The following SCRN1 variants were observed in gnomAD, a reference collection of about 807,000 sequenced individuals.
SCRN1 encodes the protein secernin 1.
A neutral mutation model predicts 43.3 loss-of-function variants in SCRN1; 19 were observed. That is an observed-to-expected ratio of 0.44 (90% CI 0.31 to 0.64). SCRN1 has a LOEUF of 0.64. SCRN1 is among the 30% of genes least tolerant of loss of function. The pLI is 0.09. For missense variants in SCRN1, 447 were observed against 524.1 expected, an observed-to-expected ratio of 0.85 and a Z score of 1.44; for synonymous variants, 183 against 188.9, an observed-to-expected ratio of 0.97 and a Z score of 0.26.
At chr7:29,945,948 GT>G (rs1221728095) in intron 3 of SCRN1, among the ~76,000 whole-genome samples, 3 of 152,188 alleles carry the variant, frequency 2.0e-5, no homozygotes, top group Admixed American at 1.3e-4. Flanking sequence ...AACTTGAGAA[GT>G]AAAAACTATT....
Position 29,922,811 on chromosome 7 carries a change from A to G in SCRN1, c.*1146T>C, listed in dbSNP as rs11540586. Reference sequence around the variant, plus strand: ...AGAAATGCTTCTATATCCATCTATCACCTCCTTGCCCTCTGTCTTCCCAAT... The same window carrying G: ...AGAAATGCTTCTATATCCATCTATCGCCTCCTTGCCCTCTGTCTTCCCAAT... On this transcript the variant is annotated 3_prime_UTR_variant, in exon 8 of 8. Transcript: ENST00000242059. 52,650 of 151,940 alleles carry G rather than the reference A, an allele frequency of 0.35. 9,355 individuals are homozygous for G. The highest frequency in any genetic ancestry group is 0.41 in the African/African-American group (16,896 of 41,380). 9.4% of individuals were successfully genotyped at this position (151,940 alleles called of 1,614,324 possible). A position where few individuals can be genotyped will look rare whatever the true frequency, so the allele number is the denominator to read the frequency against.
chr7:29,990,006 A>G (rs891891626), upstream of SCRN1: 42 of 1,438,058 alleles, frequency 2.9e-5, no homozygotes, highest in African/African-American at 5.9e-4. Flanking sequence ...TCGCCGCAGA[A>G]AGTGGCCCCC....
chr7:29,956,361 C>T (rs1788136603), intron 2 of SCRN1, among the ~76,000 whole-genome samples: 1 of 152,200 alleles, frequency 6.6e-6, no homozygotes, highest in South Asian at 2.1e-4. Flanking sequence ...TTCTACGAGC[C>T]TATGACACAC....
intron 5 of SCRN1, among the ~76,000 whole-genome samples, chr7:29,938,327 C>A (rs10281148): frequency 1.3e-5 from 2 of 152,238 alleles, no homozygotes; most frequent in Non-Finnish European, 2.9e-5. Context: ...CCACCGCACC[C>A]ACTCAGCTTG....
At position 29,976,684 on chromosome 7, in the gene SCRN1, T is replaced by C. The variant is rs181084724; in HGVS notation, c.-1-7616A>G. 1.8e-3 allele frequency among the ~76,000 whole-genome samples: 270 copies of C among 152,392 alleles called. 1 individual carries two copies. Among genetic ancestry groups the C allele is most frequent in the East Asian group, 0.013 (69 of 5,192 alleles). ...GCTTTAGCTACTGTGCCATTGGCTA[T>C]GATAAAGCATCCCTAAGCTTAGTTT... On this transcript the variant is annotated intron_variant, in intron 1 of 7. Transcript: ENST00000242059.
intron 1 of SCRN1, among the ~76,000 whole-genome samples, chr7:29,986,717 A>ATTTTTTTTTTTTTT (rs553845779): frequency 2.0e-5 from 2 of 99,832 alleles, no homozygotes; most frequent in East Asian, 2.8e-4. Flanking sequence ...AATTTTTTTA[A>ATTTTTTTTTTTTTT]TTTTTTTTTT....
intron 1 of SCRN1, among the ~76,000 whole-genome samples, chr7:29,977,339 T>C (rs1788864140): frequency 6.6e-6 from 1 of 152,254 alleles, no homozygotes; most frequent in Non-Finnish European, 1.5e-5. Context: ...GAAATTATTA[T>C]ACTCTTCATT....
intron 4 of SCRN1, 97 bp downstream of exon 4, chr7:29,943,880 C>T: frequency 8.8e-7 from 1 of 1,135,450 alleles, no homozygotes; most frequent in Non-Finnish European, 1.3e-6. Flanking sequence ...CCTGCAACGG[C>T]ACGTCTTTCT....
rs543561992 is a variant in SCRN1 at position 29,968,854 on chromosome 7, C to A, written c.159+55G>T. On this transcript the variant is annotated intron_variant, in intron 2 of 7. Coordinates refer to ENST00000242059, the MANE Select transcript of SCRN1 (RefSeq NM_014766.5). ...AAGCAAGAAGTTAGGGTTGTGCTAG[C>A]GGCAAAGCCAGAGAAAAGAGAGTGT... The A allele has an allele frequency of 2.0e-4, 318 of 1,602,292 alleles. 2 individuals are homozygous for A. In the East Asian group the frequency reaches 6.9e-3, roughly 35 times the overall value.
At chr7:29,966,587 T>C (rs745846861) in intron 2 of SCRN1, among the ~76,000 whole-genome samples, 7 of 152,196 alleles carry the variant, frequency 4.6e-5, no homozygotes, top group Non-Finnish European at 8.8e-5. Context: ...TGGACCCAAA[T>C]AACATGGACA....
intron 7 of SCRN1, among the ~76,000 whole-genome samples, chr7:29,925,376 C>G (rs1239248658): frequency 1.3e-5 from 2 of 152,164 alleles, no homozygotes; most frequent in East Asian, 3.9e-4. Flanking sequence ...TCCACCATGT[C>G]AAATGCAAGA....
chr7:29,961,150 GAGGGAAGGTCAGC>G (rs1203934890), intron 2 of SCRN1, among the ~76,000 whole-genome samples: 1 of 141,974 alleles, frequency 7.0e-6, no homozygotes, highest in African/African-American at 2.6e-5. Context: ...GACAATAGTG[GAGGGAAGGTCAGC>G]AGATAAACAA....
chr7:29,955,880 G>A (rs1200032802), intron 2 of SCRN1, among the ~76,000 whole-genome samples: 1 of 152,180 alleles, frequency 6.6e-6, no homozygotes, highest in African/African-American at 2.4e-5. Flanking sequence ...AACAGAAAAG[G>A]ATAATAACAT....
intron 6 of SCRN1, among the ~76,000 whole-genome samples, chr7:29,933,356 T>C (rs1272192945): frequency 1.3e-5 from 2 of 152,160 alleles, no homozygotes; most frequent in Admixed American, 1.3e-4. Context: ...TCACCAAATG[T>C]GGAGTTGGGA....
chr7:29,943,867 G>C (rs1787639037), intron 4 of SCRN1, 110 bp downstream of exon 4: 1 of 990,090 alleles, frequency 1.0e-6, no homozygotes, highest in Non-Finnish European at 1.6e-6. Context: ...CACACAGAGA[G>C]GACCTGCAAC....
intron 5 of SCRN1, among the ~76,000 whole-genome samples, chr7:29,937,408 G>A (rs1403744338): frequency 6.6e-6 from 1 of 152,194 alleles, no homozygotes; most frequent in Non-Finnish European, 1.5e-5. Flanking sequence ...GCCCTGGACT[G>A]GCCGTATATA....
At chr7:29,929,664 T>C (rs925559847) in intron 6 of SCRN1, among the ~76,000 whole-genome samples, 2 of 152,226 alleles carry the variant, frequency 1.3e-5, no homozygotes, top group Non-Finnish European at 2.9e-5. Context: ...GTCCCCGCTT[T>C]GCGTCTGACC....
At chr7:29,960,010 G>GAA in intron 2 of SCRN1, among the ~76,000 whole-genome samples, 1 of 111,126 alleles carries the variant, frequency 9.0e-6, no homozygotes, top group African/African-American at 3.5e-5. Flanking sequence ...AGGAAGGAAG[G>GAA]GAGGGAGGGA....
intron 6 of SCRN1, among the ~76,000 whole-genome samples, chr7:29,933,965 CCTAA>C (rs1407422093): frequency 2.6e-5 from 4 of 152,194 alleles, no homozygotes; most frequent in Admixed American, 6.5e-5. Flanking sequence ...CCAAAATCTC[CCTAA>C]CTTTCTTGCC....
Sources: allele counts gnomAD v4.1 joint callset (sites outside exome capture counted in the v4.1 genomes callset), GRCh38; gene constraint gnomAD v4.1.1; transcripts MANE v1.5; gene names NCBI Gene and HGNC (gene_info 2026-07-23, HGNC 2026-07-21).